PDE4C: variants seen among roughly 807,000 people sequenced by gnomAD.
PDE4C encodes 3',5'-cyclic-AMP phosphodiesterase 4C.
In PDE4C, 50 loss-of-function variants were observed where a neutral mutation model predicts 63.9. That is an observed-to-expected ratio of 0.78 (90% CI 0.62 to 0.99). The LOEUF is 0.99. Ranked by LOEUF, PDE4C falls within the 50% of genes least tolerant of loss-of-function variation. The pLI, the probability that PDE4C is intolerant of heterozygous loss-of-function variation, is 0.00. For missense variants in PDE4C, 777 were observed against 899.1 expected (o/e 0.86, Z 1.74); for synonymous variants, 377 against 385.1 (o/e 0.98, Z 0.25).
chr19:18,226,284 C>T (rs1968716123), exon 1 of PDE4C: 2 of 1,566,366 alleles, frequency 1.3e-6, no homozygotes, highest in Non-Finnish European at 1.7e-6. Context: ...GCGGATGGGC[C>T]ACCGTGAAGC....
chr19:18,221,050 C>CCGCCAGGCCCCGCCCCACCT, intron 4 of PDE4C, 55 bp downstream of exon 4: 3 of 1,179,118 alleles, frequency 2.5e-6, no homozygotes, highest in African/African-American at 2.4e-5. Context: ...AGCCCGCTTT[C>CCGCCAGGCCCCGCCCCACCT]CGCCCACCTT....
chr19:18,223,972 C>A (rs1240792816), intron 1 of PDE4C, among the ~76,000 whole-genome samples: 1 of 152,234 alleles, frequency 6.6e-6, no homozygotes, highest in African/African-American at 2.4e-5. Context: ...CGGCCGCCGA[C>A]CACGCCCCCA....
In PDE4C at chr19:18,220,299, C is replaced by T. The variant is rs1968400099; in HGVS notation, c.633G>A (p.Arg211=). The T allele has an allele frequency of 1.2e-6, 2 of 1,614,126 alleles. No individual in the cohort carries two copies. The highest frequency in any genetic ancestry group is 1.7e-5 in the Admixed American group (1 of 60,020). Residue 211 remains arginine, a synonymous_variant, in exon 7 of 15, where the codon CGG becomes CGA. Transcript: ENST00000262805. The surrounding 1 kb of genome is among the most constrained non-coding windows in gnomAD (Gnocchi z 5.1). ...TGGTTTCGGACAGGTGGGTCAACTC[C>T]CGGTTCAGGATCCGCTTGAACTGGG...
rs1429182968 is a variant in PDE4C, at chr19:18,214,400, G to T, written c.1390-910C>A. ...GGGGAGGATGAGTTCTGTGCAAAGG[G>T]GCTGGAAGAGTTGGGTACATGGGAG... On this transcript the variant is annotated intron_variant, in intron 12 of 14. Transcript: ENST00000262805. 2.6e-5 allele frequency among the ~76,000 whole-genome samples: 4 copies of T among 152,178 alleles called. No homozygotes were observed. In the East Asian group the frequency reaches 7.7e-4, roughly 29 times the overall value.
At chr19:18,222,361 T>G in intron 1 of PDE4C, 38 bp from the exon 2 acceptor site, 1 of 1,577,946 alleles carries the variant, frequency 6.3e-7, no homozygotes. Flanking sequence ...ACGAGGGTCA[T>G]GACAACTGGG....
chr19:18,250,031 G>T, upstream of PDE4C: 1 of 398,568 alleles, frequency 2.5e-6, no homozygotes. Context: ...TTCACACGAG[G>T]CCTTGGATGA....
At chr19:18,245,372 C>G (rs773812445) in intron 1 of PDE4C, among the ~76,000 whole-genome samples, 2 of 151,410 alleles carry the variant, frequency 1.3e-5, no homozygotes, top group Non-Finnish European at 2.9e-5. Flanking sequence ...TCCAGGTTGG[C>G]GAGGCTGGTC....
At position 18,211,082 on chromosome 19, in the gene PDE4C, CAG is replaced by C. The variant is rs1339119291; in HGVS notation, c.1888_1889del (p.Leu630GlyfsTer8). 6.2e-7 allele frequency: 1 copy of C among 1,614,238 alleles called. No homozygotes were observed. The highest frequency in any genetic ancestry group is 1.1e-5 in the South Asian group (1 of 91,092). On this transcript the variant is annotated frameshift_variant, in exon 15 of 15. Coordinates refer to ENST00000262805, the Ensembl canonical transcript of PDE4C. LOFTEE classifies it low-confidence loss of function (END_TRUNC). ...CCTCATCCTCTTCCTCTGCCTCCTC[CAG>C]AGTCAGTTCAAACTGGAATCTGTCA...
chr19:18,240,594 GGT>G (rs1969020043), intron 1 of PDE4C, among the ~76,000 whole-genome samples: 1 of 151,986 alleles, frequency 6.6e-6, no homozygotes, highest in African/African-American at 2.4e-5. Flanking sequence ...TGTGCCTGGT[GGT>G]GCGCACCTGT....
chr19:18,219,544 C>A (rs1968368491), intron 7 of PDE4C, 147 bp from the exon 8 acceptor site: 7 of 891,842 alleles, frequency 7.8e-6, no homozygotes, highest in Admixed American at 5.9e-5. Context: ...ACCCTGTCGG[C>A]CGGACGCAGT....
At chr19:18,246,988 G>A (rs1255327049) in intron 1 of PDE4C, among the ~76,000 whole-genome samples, 1 of 152,182 alleles carries the variant, frequency 6.6e-6, no homozygotes, top group Non-Finnish European at 1.5e-5. Flanking sequence ...AGCCACTCAG[G>A]TGATGGGCCT....
chr19:18,241,715 A>G (rs1969044196), intron 1 of PDE4C, among the ~76,000 whole-genome samples: 1 of 151,758 alleles, frequency 6.6e-6, no homozygotes, highest in South Asian at 2.1e-4. Flanking sequence ...ACTCCCAGCT[A>G]ATTTTTGTAT....
chr19:18,223,080 T>C (rs1221295877), intron 1 of PDE4C, among the ~76,000 whole-genome samples: 3 of 151,966 alleles, frequency 2.0e-5, no homozygotes, highest in Admixed American at 6.6e-5. Context: ...AGTGCAGTTA[T>C]CCATGCTGGA....
intron 1 of PDE4C, among the ~76,000 whole-genome samples, chr19:18,245,454 C>T (rs1273065403): frequency 2.0e-5 from 3 of 152,164 alleles, no homozygotes; most frequent in East Asian, 3.8e-4. Flanking sequence ...TGTGAGCCAC[C>T]GTGCCTGGCC....
intron 11 of PDE4C, 169 bp from the exon 12 acceptor site, chr19:18,217,064 G>T: frequency 1.5e-6 from 1 of 663,362 alleles, no homozygotes; most frequent in Non-Finnish European, 2.4e-6. Flanking sequence ...CCTGACTGCA[G>T]GGCTAGGGTT....
At chr19:18,244,729 C>A (rs989597045) in intron 1 of PDE4C, among the ~76,000 whole-genome samples, 1 of 152,024 alleles carries the variant, frequency 6.6e-6, no homozygotes, top group Non-Finnish European at 1.5e-5. Flanking sequence ...TCAGGCTGGT[C>A]TCAAACTCAC....
chr19:18,208,248 A>C (rs1316467656), downstream of PDE4C: 2 of 152,234 alleles, frequency 1.3e-5, no homozygotes, highest in African/African-American at 4.8e-5. Context: ...CTGGAAGCCG[A>C]GGGCGGCTGT....
chr19:18,247,472 G>C (rs1969152049), intron 1 of PDE4C, among the ~76,000 whole-genome samples: 1 of 152,120 alleles, frequency 6.6e-6, no homozygotes, highest in South Asian at 2.1e-4. Flanking sequence ...TTTTTTGTGT[G>C]TCTAGTAGAG....
At chr19:18,208,515 C>T (rs934182227), downstream of PDE4C, 13 of 151,540 alleles carry the variant, frequency 8.6e-5, no homozygotes, top group Admixed American at 7.2e-4. Flanking sequence ...GTGTCTCCCA[C>T]GCCCGCCACC....
Sources: allele counts gnomAD v4.1 joint callset (sites outside exome capture counted in the v4.1 genomes callset), GRCh38; gene constraint gnomAD v4.1.1; non-coding constraint Gnocchi (gnomAD v3.1); transcripts MANE v1.5; gene names NCBI Gene and HGNC (gene_info 2026-07-23, HGNC 2026-07-21).